The following CSMD1 variants were observed in gnomAD, a reference collection of about 807,000 sequenced individuals.
CSMD1 encodes CUB and sushi domain-containing protein 1.
Under a neutral mutation model 417.5 loss-of-function variants are expected in CSMD1, and 213 were observed. The ratio of observed to expected loss-of-function variants is 0.51; its 90% CI spans 0.46 to 0.57. The LOEUF (loss-of-function observed/expected upper bound fraction) is 0.57, where lower values mean the gene tolerates loss of function less well. CSMD1 is among the 20% of genes least tolerant of loss of function. The pLI is 0.00. For synonymous variants in CSMD1, 2,862 were observed against 1,736.8 expected, an observed-to-expected ratio of 1.65 and a Z score of -16.11; for missense variants, 6,923 against 4,529.7, an observed-to-expected ratio of 1.53 and a Z score of -15.17.
At chr8:4,762,799 G>A (rs185261981) in intron 1 of CSMD1, among the ~76,000 whole-genome samples, 98 of 152,198 alleles carry the variant, frequency 6.4e-4, no homozygotes, top group African/African-American at 2.3e-3. Context: ...CCAAAAAAAT[G>A]TATCTAAATT....
intron 2 of CSMD1, among the ~76,000 whole-genome samples, chr8:4,470,693 CGA>C (rs1412825852): frequency 1.3e-5 from 2 of 152,122 alleles, no homozygotes; most frequent in East Asian, 1.9e-4. Flanking sequence ...AAGAATGGTA[CGA>C]AAGAGTAAAG....
At chr8:4,849,412 G>A (rs1319073302) in intron 1 of CSMD1, among the ~76,000 whole-genome samples, 1 of 151,502 alleles carries the variant, frequency 6.6e-6, no homozygotes, top group African/African-American at 2.4e-5. Flanking sequence ...AATACTTTTT[G>A]TAAGTTTGCT....
chr8:4,762,081 G>A (rs1812146952), intron 1 of CSMD1, among the ~76,000 whole-genome samples: 1 of 152,026 alleles, frequency 6.6e-6, no homozygotes, highest in Non-Finnish European at 1.5e-5. Context: ...TGTAAGTATA[G>A]TAGCTGGTGT....
intron 5 of CSMD1, among the ~76,000 whole-genome samples, chr8:3,840,450 C>G (rs1803054407): frequency 6.6e-6 from 1 of 152,060 alleles, no homozygotes; most frequent in Non-Finnish European, 1.5e-5. Flanking sequence ...GCAAGAGTAC[C>G]TCTTGCCCTG....
intron 1 of CSMD1, among the ~76,000 whole-genome samples, chr8:4,861,183 G>A (rs967505675): frequency 6.6e-6 from 1 of 152,090 alleles, no homozygotes; most frequent in African/African-American, 2.4e-5. Context: ...AATAGATTCT[G>A]ACATTTATCT....
At chr8:4,915,861 G>C (rs958041358) in intron 1 of CSMD1, among the ~76,000 whole-genome samples, 5 of 152,206 alleles carry the variant, frequency 3.3e-5, no homozygotes, top group African/African-American at 9.6e-5. Flanking sequence ...CTATTTCAAA[G>C]TTGCTTAGAT....
rs144454350 is a variant in CSMD1 at position 4,849,726 on chromosome 8, C to A, written c.85+144606G>T. 3.9e-5 allele frequency among the ~76,000 whole-genome samples: 6 copies of A among 152,258 alleles called. No individual in the cohort carries two copies. In the East Asian group the frequency reaches 1.2e-3, roughly 29 times the overall value. ...TGAAGCTTAGGGGCAACAGGCTATA[C>A]CATACATCCTAGGTCTCTAGGAAGC... On this transcript the variant is annotated intron_variant, in intron 1 of 69. Transcript: ENST00000635120.
At chr8:3,376,589 C>A (rs1325935716) in intron 18 of CSMD1, among the ~76,000 whole-genome samples, 1 of 151,836 alleles carries the variant, frequency 6.6e-6, no homozygotes, top group Non-Finnish European at 1.5e-5. Context: ...GTTGTTAAAA[C>A]TATCTTTCTT....
chr8:4,630,586 T>C lies in CSMD1; in HGVS notation c.302+6756A>G, dbSNP rs79031382. 2.3e-3 allele frequency among the ~76,000 whole-genome samples: 355 copies of C among 152,330 alleles called. 15 individuals carry two copies. In the East Asian group the frequency reaches 0.064, roughly 28 times the overall value. ...ATGTTGACAAGAGCAATTTGAAAGA[T>C]ACATTGAGGAAAATTACATTTTATT... On this transcript the variant is annotated intron_variant, in intron 2 of 69. Coordinates refer to ENST00000635120, the MANE Select transcript of CSMD1 (RefSeq NM_033225.6).
At chr8:2,958,892 T>G (rs548221927) in intron 62 of CSMD1, among the ~76,000 whole-genome samples, 10 of 152,308 alleles carry the variant, frequency 6.6e-5, no homozygotes, top group African/African-American at 2.2e-4. Context: ...GAAGAATAAC[T>G]ACAAGTAAAA....
chr8:4,434,960 A>G (rs1798072987), intron 2 of CSMD1, among the ~76,000 whole-genome samples: 1 of 152,206 alleles, frequency 6.6e-6, no homozygotes, highest in Admixed American at 6.5e-5. Context: ...TATTTCCTAT[A>G]GAAAAAATGA....
At chr8:4,339,303 T>C (rs2128894464) in intron 3 of CSMD1, among the ~76,000 whole-genome samples, 1 of 152,238 alleles carries the variant, frequency 6.6e-6, no homozygotes, top group South Asian at 2.1e-4. Flanking sequence ...TTTCAGTTCT[T>C]ACCATTTTGT....
intron 3 of CSMD1, among the ~76,000 whole-genome samples, chr8:4,094,979 T>G (rs746477465): frequency 6.6e-6 from 1 of 152,138 alleles, no homozygotes; most frequent in South Asian, 2.1e-4. Flanking sequence ...TTCAATAATA[T>G]AGTATTATAC....
intron 12 of CSMD1, among the ~76,000 whole-genome samples, chr8:3,427,636 T>G (rs1380686720): frequency 1.3e-5 from 2 of 152,188 alleles, no homozygotes; most frequent in African/African-American, 4.8e-5. Context: ...CATAGAGTGA[T>G]CCCACAAAAA....
intron 3 of CSMD1, among the ~76,000 whole-genome samples, chr8:4,290,808 T>C (rs1392702155): frequency 6.6e-6 from 1 of 152,230 alleles, no homozygotes; most frequent in African/African-American, 2.4e-5. Flanking sequence ...TTTCAAGAAA[T>C]CACAATTTGT....
At chr8:3,914,302 G>C (rs1007448379) in intron 5 of CSMD1, among the ~76,000 whole-genome samples, 2 of 152,146 alleles carry the variant, frequency 1.3e-5, no homozygotes, top group African/African-American at 4.8e-5. Context: ...GTAGCTCATG[G>C]TTTTTAAGAA....
intron 3 of CSMD1, among the ~76,000 whole-genome samples, chr8:4,171,995 T>C (rs1214671581): frequency 2.6e-5 from 4 of 152,132 alleles, no homozygotes; most frequent in Non-Finnish European, 5.9e-5. Context: ...AATATCACGG[T>C]TTAATACCAC....
At chr8:3,385,567 G>C (rs1382877466) in intron 18 of CSMD1, among the ~76,000 whole-genome samples, 8 of 152,032 alleles carry the variant, frequency 5.3e-5, no homozygotes, top group African/African-American at 1.2e-4. Context: ...TAAAACCAAG[G>C]AGTATATCCT....
chr8:3,874,834 G>A (rs138121295), intron 5 of CSMD1, among the ~76,000 whole-genome samples: 113 of 152,148 alleles, frequency 7.4e-4, no homozygotes, highest in African/African-American at 2.5e-3. Flanking sequence ...GGTCAATTTC[G>A]GAGGATGAAT....
Sources: gnomAD v4.1 joint callset for allele counts (sites outside exome capture counted in the v4.1 genomes callset) on GRCh38, gnomAD v4.1.1 for gene constraint, MANE v1.5 for transcripts, NCBI Gene and HGNC (gene_info 2026-07-23, HGNC 2026-07-21) for gene names.